Variants in TVP23C observed in about 807,000 individuals in gnomAD.
TVP23C encodes the protein trans-golgi network vesicle protein 23 homolog C, also known as Golgi apparatus membrane protein TVP23 homolog C.
Under a neutral mutation model 28.7 loss-of-function variants are expected in TVP23C, and 19 were observed. The observed-to-expected ratio is 0.66, with a 90% CI of 0.46 to 0.97. The LOEUF (loss-of-function observed/expected upper bound fraction) is 0.97. TVP23C is among the 50% of genes least tolerant of loss of function. The pLI, the probability that TVP23C is intolerant of heterozygous loss-of-function variation, is 0.00. For missense variants in TVP23C, 186 were observed against 241.3 expected (o/e 0.77, Z 1.52); for synonymous variants, 68 against 81.7 (o/e 0.83, Z 0.90).
intron 5 of TVP23C, among the ~76,000 whole-genome samples, chr17:15,519,682 G>A (rs1982388735): frequency 6.6e-6 from 1 of 152,098 alleles, no homozygotes. Context: ...AGGCCGAGGT[G>A]GGTGGATCAT....
Position 15,537,811 on chromosome 17 carries a change from G to A in TVP23C, c.*2601C>T, listed in dbSNP as rs576805828. Reference sequence around the variant, plus strand: ...AAATGCAAAGGTCTCCATTATCTGTGTAAATGAACACTTTCATTAACTTGG... The same window carrying A: ...AAATGCAAAGGTCTCCATTATCTGTATAAATGAACACTTTCATTAACTTGG... On this transcript the variant is annotated 3_prime_UTR_variant, in exon 6 of 6. Transcript: ENST00000518321. 43 of 1,163,034 alleles carry A rather than the reference G, an allele frequency of 3.7e-5. No individual in the cohort carries two copies. Among genetic ancestry groups the A allele is most frequent in the Middle Eastern group, 7.1e-4 (2 of 2,818 alleles). 72.0% of individuals were successfully genotyped at this position (1,163,034 alleles called of 1,614,324 possible).
chr17:15,554,891 A>G (rs1367443007), intron 2 of TVP23C, among the ~76,000 whole-genome samples: 3 of 152,248 alleles, frequency 2.0e-5, no homozygotes, highest in African/African-American at 7.2e-5. Flanking sequence ...TTCAAGTAGA[A>G]TTTGCTTTCG....
chr17:15,525,491 A>G (rs1597516577), intron 5 of TVP23C, among the ~76,000 whole-genome samples: 1 of 152,374 alleles, frequency 6.6e-6, no homozygotes, highest in African/African-American at 2.4e-5. Flanking sequence ...TCAGCCAGTC[A>G]GTTAAAGGCC....
At chr17:15,543,459 C>A (rs900997447) in intron 5 of TVP23C, among the ~76,000 whole-genome samples, 12 of 150,734 alleles carry the variant, frequency 8.0e-5, no homozygotes, top group Admixed American at 4.0e-4. Flanking sequence ...AGAAAAAAAA[C>A]CCACCAAAAT....
intron 5 of TVP23C, among the ~76,000 whole-genome samples, chr17:15,541,884 G>A (rs879208486): frequency 1.3e-5 from 2 of 152,122 alleles, no homozygotes; most frequent in African/African-American, 2.4e-5. Flanking sequence ...GGGTACACCT[G>A]AATTCAAAGA....
At chr17:15,519,092 A>G (rs1022626661) in intron 5 of TVP23C, among the ~76,000 whole-genome samples, 1 of 152,152 alleles carries the variant, frequency 6.6e-6, no homozygotes, top group Non-Finnish European at 1.5e-5. Flanking sequence ...AGGCCTCCCC[A>G]GCCATGCAGA....
intron 5 of TVP23C, among the ~76,000 whole-genome samples, chr17:15,543,147 A>G (rs1324083419): frequency 6.7e-6 from 1 of 148,658 alleles, no homozygotes; most frequent in Non-Finnish European, 1.5e-5. Context: ...CAGCCCAGCC[A>G]AGACAGCAAG....
chr17:15,507,108 GA>G, intron 5 of TVP23C: 2 of 1,000,782 alleles, frequency 2.0e-6, no homozygotes, highest in East Asian at 5.3e-5. Flanking sequence ...GGAGAAATTT[GA>G]TGTCGAGGAC....
intron 5 of TVP23C, among the ~76,000 whole-genome samples, chr17:15,516,987 A>T (rs924576476): frequency 6.6e-6 from 1 of 152,196 alleles, no homozygotes; most frequent in African/African-American, 2.4e-5. Context: ...AAACTCAATC[A>T]TATCTATTCA....
At chr17:15,552,625 G>A (rs1461304543) in intron 3 of TVP23C, among the ~76,000 whole-genome samples, 3 of 151,506 alleles carry the variant, frequency 2.0e-5, no homozygotes, top group African/African-American at 4.9e-5. Flanking sequence ...CAGAGGTTGC[G>A]GTGAGCCAAG....
intron 5 of TVP23C, among the ~76,000 whole-genome samples, chr17:15,531,798 C>T (rs1283134394): frequency 6.6e-6 from 1 of 152,094 alleles, no homozygotes; most frequent in African/African-American, 2.4e-5. Context: ...CATATATAGG[C>T]GGCTGTAATT....
intron 3 of TVP23C, among the ~76,000 whole-genome samples, chr17:15,551,328 G>A (rs1372789346): frequency 6.9e-6 from 1 of 145,018 alleles, no homozygotes; most frequent in East Asian, 2.0e-4. Flanking sequence ...GGATGGTCTC[G>A]ATCTCCTGAC....
chr17:15,502,861 T>C, exon 6 of TVP23C: 1 of 1,575,312 alleles, frequency 6.3e-7, no homozygotes, highest in Middle Eastern at 1.7e-4. Context: ...TTGTGGGTTG[T>C]TTTTAATGCA....
exon 6 of TVP23C, chr17:15,502,733 TCTCTCTC>T (rs1597496420): frequency 1.0e-6 from 1 of 962,240 alleles, no homozygotes; most frequent in African/African-American, 2.0e-5. Flanking sequence ...TCTCTCTCTT[TCTCTCTC>T]CTCTCTCCCG....
intron 1 of TVP23C, among the ~76,000 whole-genome samples, chr17:15,561,626 G>A (rs201472829): frequency 0.19 from 22,353 of 116,478 alleles, 398 homozygotes; most frequent in Non-Finnish European, 0.26. Flanking sequence ...ATGAATGAAT[G>A]AATGAATAAA....
At chr17:15,508,163 C>A (rs904152090) in intron 5 of TVP23C, among the ~76,000 whole-genome samples, 1 of 152,044 alleles carries the variant, frequency 6.6e-6, no homozygotes, top group Non-Finnish European at 1.5e-5. Flanking sequence ...GACTGCATCC[C>A]TAGGAGGTAC....
intron 5 of TVP23C, chr17:15,507,423 C>A: frequency 1.8e-6 from 1 of 551,102 alleles, no homozygotes; most frequent in South Asian, 1.9e-5. Flanking sequence ...ACCCTCCACC[C>A]CATTTGCTCA....
chr17:15,556,988 C>A (rs1282692865), intron 1 of TVP23C, among the ~76,000 whole-genome samples: 1 of 150,416 alleles, frequency 6.6e-6, no homozygotes, highest in Non-Finnish European at 1.5e-5. Context: ...AGCACTGAAG[C>A]AATACTGTTA....
chr17:15,545,699 A>G, intron 5 of TVP23C, 86 bp downstream of exon 5: 1 of 1,514,538 alleles, frequency 6.6e-7, no homozygotes, highest in Non-Finnish European at 8.8e-7. Flanking sequence ...GTCCCTAATG[A>G]TAAGGACTCA....
Sources: gnomAD v4.1 joint callset for allele counts (sites outside exome capture counted in the v4.1 genomes callset) on GRCh38, gnomAD v4.1.1 for gene constraint, MANE v1.5 for transcripts, NCBI Gene and HGNC (gene_info 2026-07-23, HGNC 2026-07-21) for gene names.